The following EVC variants were observed in gnomAD, a reference collection of about 807,000 sequenced individuals.
The protein encoded by EVC is EvC ciliary complex subunit 1, also known as evC complex member EVC.
EVC carries 116 observed loss-of-function variants against 118.9 expected under a neutral mutation model. That is an observed-to-expected ratio of 0.98 (90% CI 0.84 to 1.14). EVC has a LOEUF of 1.14. Among genes scored for constraint, EVC ranks in the 50% most tolerant of loss-of-function variants. The pLI is 0.00. For missense variants in EVC, 1,401 were observed against 1,246.4 expected, an observed-to-expected ratio of 1.12 and a Z score of -1.87; for synonymous variants, 619 against 534.7, an observed-to-expected ratio of 1.16 and a Z score of -2.18.
At chr4:5,821,351 C>G in the EVC span, 1 of 179,520 alleles carries the variant, frequency 5.6e-6, no homozygotes, top group Admixed American at 5.6e-5. The surrounding 1 kb of genome is among the most constrained non-coding windows in gnomAD (Gnocchi z 4.4). Flanking sequence ...TCCCCTCAGA[C>G]GCACTCACAG....
At chr4:5,822,407 G>C in the EVC span, among the ~76,000 whole-genome samples, 1 of 150,508 alleles carries the variant, frequency 6.6e-6, no homozygotes, top group Non-Finnish European at 1.5e-5. Flanking sequence ...GTACACATTT[G>C]TATATGCATG....
intron 15 of EVC, among the ~76,000 whole-genome samples, chr4:5,799,239 A>G (rs886216091): frequency 6.6e-6 from 1 of 152,210 alleles, no homozygotes; most frequent in Admixed American, 6.5e-5. Context: ...CAATGCCGCT[A>G]AAAATCAGTT....
intron 16 of EVC, among the ~76,000 whole-genome samples, chr4:5,803,394 T>C (rs962678106): frequency 2.6e-5 from 4 of 152,200 alleles, no homozygotes; most frequent in Admixed American, 6.5e-5. Flanking sequence ...TGCCCAGAGA[T>C]CTGCCAGGTT....
rs1347135552 is a variant in EVC at position 5,731,680 on chromosome 4, G to A, written c.617+23G>A. 1 of 1,602,706 alleles carries A rather than the reference G, an allele frequency of 6.2e-7. No homozygotes were observed. The highest frequency in any genetic ancestry group is 2.2e-5 in the East Asian group (1 of 44,482). On this transcript the variant is annotated intron_variant, in intron 4 of 20. Transcript: ENST00000264956. The surrounding 1 kb of genome is among the most constrained non-coding windows in gnomAD (Gnocchi z 5.6). ...GAGGTAAGGAGAGCGGGCAATGGAG[G>A]ATGAGGCTTCCAGTCCTCTTGGAGT...
At chr4:5,809,692 C>A in intron 19 of EVC, 81 bp downstream of exon 19, 1 of 1,253,218 alleles carries the variant, frequency 8.0e-7, no homozygotes, top group East Asian at 2.4e-5. Flanking sequence ...TGGCCACTAA[C>A]TAGCTGTGTG....
At chr4:5,810,240 C>T (rs879351980) in intron 19 of EVC, 99 bp from the exon 20 acceptor site, 2 of 913,912 alleles carry the variant, frequency 2.2e-6, no homozygotes, top group Non-Finnish European at 3.5e-6. Context: ...GCCCACACAA[C>T]ATGCTCAAAA....
intron 4 of EVC, 74 bp from the exon 5 acceptor site, chr4:5,733,277 G>A (rs1727133601): frequency 8.1e-7 from 1 of 1,228,020 alleles, no homozygotes; most frequent in African/African-American, 1.5e-5. Context: ...GTACTGATGA[G>A]GGACGTGCCA....
intron 12 of EVC, among the ~76,000 whole-genome samples, chr4:5,784,021 C>T (rs1320870185): frequency 3.3e-5 from 5 of 152,016 alleles, no homozygotes; most frequent in Admixed American, 6.6e-5. Context: ...TTCTTTAGAA[C>T]GAGAGAAATA....
intron 11 of EVC, among the ~76,000 whole-genome samples, chr4:5,771,901 TATTA>T (rs1156253279): frequency 6.6e-6 from 1 of 151,598 alleles, no homozygotes; most frequent in African/African-American, 2.4e-5. Context: ...TTTATTTTAT[TATTA>T]TTATTATTAT....
chr4:5,783,838 GTC>G, intron 12 of EVC, 74 bp downstream of exon 12: 3 of 1,372,858 alleles, frequency 2.2e-6, no homozygotes, highest in South Asian at 1.2e-5. Context: ...GAGATCTCAC[GTC>G]CTGAACACCC....
In EVC at chr4:5,812,710, G is replaced by A. The variant is rs944664484; in HGVS notation, c.*1673G>A. On this transcript the variant is annotated 3_prime_UTR_variant, in exon 21 of 21. Coordinates refer to ENST00000264956, the MANE Select transcript of EVC (RefSeq NM_153717.3). Reference sequence around the variant, plus strand: ...TCAGCACTGTGAACATACCGGGCGAGATCATTCTTCAGGGGAAGGAGCTGC... The same window carrying A: ...TCAGCACTGTGAACATACCGGGCGAAATCATTCTTCAGGGGAAGGAGCTGC... 1.4e-4 allele frequency: 22 copies of A among 153,878 alleles called. No homozygotes were observed. The highest frequency in any genetic ancestry group is 1.3e-3 in the Admixed American group (20 of 15,310). The allele number at this position is 153,878 out of a possible 1,614,324, so 9.5% of individuals were successfully genotyped here.
chr4:5,797,364 G>A (rs932944390), intron 14 of EVC, 132 bp downstream of exon 14: 7 of 779,770 alleles, frequency 9.0e-6, no homozygotes, highest in Admixed American at 6.1e-5. Context: ...TTCATTCGCC[G>A]GGGCTGCCAT....
intron 5 of EVC, among the ~76,000 whole-genome samples, chr4:5,739,106 ATGGTATGCT>A (rs771092396): frequency 5.9e-5 from 9 of 152,084 alleles, no homozygotes. Context: ...CAATACCTCC[ATGGTATGCT>A]TGTATTATTT....
At chr4:5,805,996 G>A (rs1280429560) in intron 17 of EVC, among the ~76,000 whole-genome samples, 1 of 146,288 alleles carries the variant, frequency 6.8e-6, no homozygotes, top group African/African-American at 2.5e-5. Context: ...CCCAAATAGT[G>A]TACGTTTTAC....
At chr4:5,808,055 G>A (rs879518046) in intron 17 of EVC, 146 bp from the exon 18 acceptor site, 27 of 697,580 alleles carry the variant, frequency 3.9e-5, no homozygotes, top group Non-Finnish European at 6.3e-5. Flanking sequence ...TGGAGCTGGG[G>A]CTGCTGTGAA....
At position 5,783,768 on chromosome 4, in the gene EVC, C is replaced by T. The variant is rs761724907; in HGVS notation, c.1776+4C>T. 67 of 1,605,362 alleles carry T rather than the reference C, an allele frequency of 4.2e-5. No homozygotes were observed. Among genetic ancestry groups the T allele is most frequent in the Middle Eastern group, 1.7e-4 (1 of 6,042 alleles). On this transcript the variant is annotated splice_donor_region_variant and intron_variant, in intron 12 of 20. Coordinates refer to ENST00000264956, the MANE Select transcript of EVC (RefSeq NM_153717.3). ...GCTCCTAGAGCAAGACCAGCAGGTGCGGGCATTTGGGAACCCAGGGGCTGG... is the reference window on the plus strand; with the variant it reads ...GCTCCTAGAGCAAGACCAGCAGGTGTGGGCATTTGGGAACCCAGGGGCTGG...
intron 5 of EVC, among the ~76,000 whole-genome samples, chr4:5,735,690 T>G (rs62298655): frequency 0.24 from 36,696 of 152,098 alleles, 5,052 homozygotes; most frequent in African/African-American, 0.38. Flanking sequence ...GTTAAGTCAC[T>G]TGCCCAAAGT....
rs1211529710 is a variant in EVC at position 5,793,821 on chromosome 4, C to T, written c.1886+104C>T. The T allele has an allele frequency of 1.3e-5, 11 of 852,908 alleles. No homozygotes were observed. The East Asian group carries it at 2.4e-4, about 19-fold the overall frequency. The allele number at this position is 852,908 out of a possible 1,614,324, so 52.8% of individuals were successfully genotyped here. A position where few individuals can be genotyped will look rare whatever the true frequency, so the allele number is the denominator to read the frequency against. On this transcript the variant is annotated intron_variant, in intron 13 of 20. Coordinates refer to ENST00000264956, the MANE Select transcript of EVC (RefSeq NM_153717.3). Reference sequence around the variant, plus strand: ...AGTGGGCACGCTGACTGCCCCTCAGCTTCCTTTGAATGTAAATGACTTAAC... The same window carrying T: ...AGTGGGCACGCTGACTGCCCCTCAGTTTCCTTTGAATGTAAATGACTTAAC...
chr4:5,826,082 A>C, the EVC span: 2 of 246,484 alleles, frequency 8.1e-6, no homozygotes, highest in Non-Finnish European at 1.5e-5. Flanking sequence ...ATACATGCCC[A>C]CACACACACT....
Sources: allele counts gnomAD v4.1 joint callset (sites outside exome capture counted in the v4.1 genomes callset), GRCh38; gene constraint gnomAD v4.1.1; non-coding constraint Gnocchi (gnomAD v3.1); transcripts MANE v1.5; gene names NCBI Gene and HGNC (gene_info 2026-07-23, HGNC 2026-07-21).